The following UGT2A2 variants were observed in gnomAD, a reference collection of about 807,000 sequenced individuals.
UGT2A2 encodes the protein UDP-glucuronosyltransferase 2A2.
A neutral mutation model predicts 50.7 loss-of-function variants in UGT2A2; 60 were observed. The observed-to-expected ratio is 1.18, with a 90% CI of 0.96 to 1.47. The LOEUF (loss-of-function observed/expected upper bound fraction) is 1.47. Ranked by LOEUF, UGT2A2 falls within the 40% of genes most tolerant of loss-of-function variation. UGT2A2 has a pLI of 0.00. For missense variants in UGT2A2, 762 were observed against 634.0 expected (o/e 1.20, Z -2.17); for synonymous variants, 242 against 214.6 (o/e 1.13, Z -1.11).
At chr4:69,620,026 C>A (rs1212905961) in intron 1 of UGT2A2, among the ~76,000 whole-genome samples, 1 of 151,918 alleles carries the variant, frequency 6.6e-6, no homozygotes, top group Non-Finnish European at 1.5e-5. Flanking sequence ...CCAGCCAACA[C>A]CATACTGAAT....
intron 1 of UGT2A2, among the ~76,000 whole-genome samples, chr4:69,601,658 G>C (rs1265816531): frequency 1.3e-5 from 2 of 152,084 alleles, no homozygotes; most frequent in African/African-American, 4.8e-5. Flanking sequence ...ATTTGAGAAA[G>C]TCAACATTGC....
Position 69,639,620 on chromosome 4 carries a change from A to G in UGT2A2, c.21T>C (p.Phe7=). 1 of 1,591,110 alleles carries G rather than the reference A, an allele frequency of 6.3e-7. No individual in the cohort carries two copies. The highest frequency in any genetic ancestry group is 8.5e-7 in the Non-Finnish European group (1 of 1,171,800). MVSIRD[F]TMPKKFVQML... ...TCTGGACAAACTTCTTAGGCATGGT[A>G]AAATCCCTTATGGAAACCATCCTAC... Residue 7 remains phenylalanine (F), a synonymous_variant, in exon 1 of 6, where the codon TTT becomes TTC. Transcript: ENST00000604629.
intron 1 of UGT2A2, among the ~76,000 whole-genome samples, chr4:69,621,463 T>C (rs1392620328): frequency 6.6e-6 from 1 of 151,862 alleles, no homozygotes; most frequent in East Asian, 1.9e-4. Context: ...CCATTTTATG[T>C]CAGTCAGATT....
intron 1 of UGT2A2, among the ~76,000 whole-genome samples, chr4:69,602,024 G>A (rs1719324987): frequency 7.3e-6 from 1 of 136,730 alleles, no homozygotes; most frequent in Admixed American, 7.2e-5. Flanking sequence ...CAAATTAAAA[G>A]TCAATCATAC....
intron 5 of UGT2A2, among the ~76,000 whole-genome samples, chr4:69,592,097 C>T (rs1283635409): frequency 6.6e-6 from 1 of 152,060 alleles, no homozygotes; most frequent in Non-Finnish European, 1.5e-5. Context: ...AATACATTAG[C>T]CCTCGTGTCT....
At chr4:69,638,148 C>G (rs1190875683) in intron 1 of UGT2A2, among the ~76,000 whole-genome samples, 5 of 152,068 alleles carry the variant, frequency 3.3e-5, no homozygotes, top group African/African-American at 1.2e-4. Flanking sequence ...CCAGTGGTAG[C>G]ATCATCTGTT....
At chr4:69,592,854 T>C (rs527670114) in intron 5 of UGT2A2, among the ~76,000 whole-genome samples, 52 of 152,202 alleles carry the variant, frequency 3.4e-4, no homozygotes, top group African/African-American at 1.3e-3. Context: ...ATTTTTTATC[T>C]TAGATTAACA....
chr4:69,621,183 C>A (rs1720733948), intron 1 of UGT2A2, among the ~76,000 whole-genome samples: 1 of 151,878 alleles, frequency 6.6e-6, no homozygotes, highest in Non-Finnish European at 1.5e-5. Context: ...TTCTGCACAG[C>A]AAAATAAACT....
chr4:69,611,185 A>T (rs370883476), intron 1 of UGT2A2, among the ~76,000 whole-genome samples: 1 of 151,486 alleles, frequency 6.6e-6, no homozygotes, highest in African/African-American at 2.4e-5. Flanking sequence ...TTGCTCTGTC[A>T]CTCAAGCTGG....
chr4:69,632,346 A>G (rs190616677), intron 1 of UGT2A2, among the ~76,000 whole-genome samples: 1 of 152,254 alleles, frequency 6.6e-6, no homozygotes, highest in East Asian at 1.9e-4. Flanking sequence ...TTTTTTTTCC[A>G]CAAGTAGGGA....
chr4:69,635,367 C>T (rs1023733486), intron 1 of UGT2A2, among the ~76,000 whole-genome samples: 5 of 152,182 alleles, frequency 3.3e-5, no homozygotes, highest in East Asian at 1.9e-4. Flanking sequence ...CCAAAAGACA[C>T]ATGCAAAATG....
At chr4:69,593,464 T>C (rs1718702245) in intron 5 of UGT2A2, among the ~76,000 whole-genome samples, 2 of 151,598 alleles carry the variant, frequency 1.3e-5, no homozygotes, top group South Asian at 4.2e-4. Flanking sequence ...AAATTACATA[T>C]ACATATATCA....
Position 69,627,503 on chromosome 4 carries a change from G to A in UGT2A2, c.742+11396C>T, listed in dbSNP as rs1222145024. 4.9e-5 allele frequency among the ~76,000 whole-genome samples: 7 copies of A among 143,478 alleles called. No homozygotes were observed. In the Admixed American group the frequency reaches 5.1e-4, roughly 10 times the overall value. The allele number at this position is 143,478 out of a possible 152,430, so 94.1% of individuals were successfully genotyped here. A position where few individuals can be genotyped will look rare whatever the true frequency, so the allele number is the denominator to read the frequency against. On this transcript the variant is annotated intron_variant, in intron 1 of 5. Transcript: ENST00000604629. Reference sequence around the variant, plus strand: ...AGGCAGGCAGGCATGCAGGAAGGAAGGAAGGAAAAGAAAGAAAGAAGAAAG... The same window carrying A: ...AGGCAGGCAGGCATGCAGGAAGGAAAGAAGGAAAAGAAAGAAAGAAGAAAG...
At chr4:69,614,170 T>C (rs970330463) in intron 1 of UGT2A2, among the ~76,000 whole-genome samples, 6 of 152,056 alleles carry the variant, frequency 3.9e-5, no homozygotes, top group Admixed American at 6.6e-5. Context: ...GTGGCATTTC[T>C]ATATGCCAAC....
At chr4:69,594,825 C>A (rs1718822224) in intron 4 of UGT2A2, 129 bp from the exon 5 acceptor site, 2 of 1,160,772 alleles carry the variant, frequency 1.7e-6, no homozygotes, top group Non-Finnish European at 2.4e-6. Context: ...AAAAGCAGAT[C>A]ACATAGGGCA....
Position 69,638,969 on chromosome 4 carries a change from A to G in UGT2A2, c.672T>C (p.Ser224=), listed in dbSNP as rs573164905. The G allele has an allele frequency of 1.1e-4, 183 of 1,613,046 alleles. 3 individuals carry two copies. In the South Asian group the frequency reaches 1.9e-3, roughly 17 times the overall value. Residue 224 remains serine, a synonymous_variant, in exon 1 of 6, where the codon TCT becomes TCC. Transcript: ENST00000604629. ...TFGERIKNTI[S]YSLQDYIFQS... ...GAAATATATAGTCTTGCAGAGAATA[A>G]GATATGGTATTTTTAATCCTTTCAC... is the stretch of plus-strand genomic sequence containing the variant.
chr4:69,618,638 T>A (rs1720556528), intron 1 of UGT2A2, among the ~76,000 whole-genome samples: 1 of 152,026 alleles, frequency 6.6e-6, no homozygotes, highest in African/African-American at 2.4e-5. Flanking sequence ...AAACCCTCGA[T>A]ACAGTAAAAT....
intron 5 of UGT2A2, among the ~76,000 whole-genome samples, chr4:69,592,562 G>A (rs1718650918): frequency 6.6e-6 from 1 of 152,070 alleles, no homozygotes; most frequent in East Asian, 1.9e-4. Context: ...AAAAATGACA[G>A]TTGAAAGAAT....
chr4:69,637,522 T>G (rs1721778411), intron 1 of UGT2A2, among the ~76,000 whole-genome samples: 1 of 152,108 alleles, frequency 6.6e-6, no homozygotes, highest in Non-Finnish European at 1.5e-5. Context: ...CCTAAAAGGC[T>G]TTTCCTCCAG....
Sources: allele counts gnomAD v4.1 joint callset (sites outside exome capture counted in the v4.1 genomes callset), GRCh38; gene constraint gnomAD v4.1.1; transcripts MANE v1.5; gene names NCBI Gene and HGNC (gene_info 2026-07-23, HGNC 2026-07-21).